Variants in CSAD observed in about 807,000 individuals in gnomAD.
CSAD encodes cysteine sulfinic acid decarboxylase, also known as P-selectin cytoplasmic tail-associated protein.
In CSAD, 47 loss-of-function variants were observed where a neutral mutation model predicts 61.5. The observed-to-expected ratio is 0.76, with a 90% CI of 0.60 to 0.97. The LOEUF is 0.97. Among genes scored for constraint, CSAD ranks in the 50% least tolerant of loss-of-function variants. CSAD has a pLI of 0.00. For synonymous variants in CSAD, 245 were observed against 252.7 expected (o/e 0.97, Z 0.29); for missense variants, 611 against 643.6 (o/e 0.95, Z 0.55).
chr12:53,172,495 C>T lies in CSAD; in HGVS notation c.253+27G>A, dbSNP rs572689520. On this transcript the variant is annotated intron_variant, in intron 5 of 16. Transcript: ENST00000444623. Reference sequence around the variant, plus strand: ...TAGAGCTCAGGGCAAACTCCCAAGTCTCCTCCTCACAGAAGCCAGGGCCCA... The same window carrying T: ...TAGAGCTCAGGGCAAACTCCCAAGTTTCCTCCTCACAGAAGCCAGGGCCCA... The T allele has an allele frequency of 2.5e-6, 4 of 1,614,156 alleles. No homozygotes were observed. In the East Asian group the frequency reaches 6.7e-5, roughly 27 times the overall value.
intron 2 of CSAD, among the ~76,000 whole-genome samples, chr12:53,178,763 T>A (rs1362793608): frequency 6.6e-6 from 1 of 152,058 alleles, no homozygotes; most frequent in East Asian, 1.9e-4. Flanking sequence ...CTAGCCTGGG[T>A]GACAGAGTGA....
In CSAD at chr12:53,172,335, G is replaced by A. The variant is rs1271040252; in HGVS notation, c.344+11C>T. ...CTTTGTGGGATGGTAGAGGGGCCTT[G>A]GGATGCTCACTGGCTGGTGTTGAGG... is the stretch of plus-strand genomic sequence containing the variant. On this transcript the variant is annotated intron_variant, in intron 6 of 16. Coordinates refer to ENST00000444623, the MANE Select transcript of CSAD (RefSeq NM_001244705.2). The A allele has an allele frequency of 1.2e-6, 2 of 1,611,374 alleles. No homozygotes were observed. The highest frequency in any genetic ancestry group is 1.7e-6 in the Non-Finnish European group (2 of 1,177,616).
Position 53,159,811 on chromosome 12 carries a change from A to G in CSAD, c.1218+76T>C, listed in dbSNP as rs576560228. 263 of 1,536,088 alleles carry G rather than the reference A, an allele frequency of 1.7e-4. 4 individuals carry two copies. The South Asian group carries it at 3.0e-3, about 18-fold the overall frequency. ...CTCTCCCTGCCCTTTTCCCTCCACT[A>G]GGGCTTTAGTTGGGGCTTGGGGGCT... On this transcript the variant is annotated intron_variant, in intron 15 of 16. Coordinates refer to ENST00000444623, the MANE Select transcript of CSAD (RefSeq NM_001244705.2).
Position 53,158,567 on chromosome 12 carries a change from A to G in CSAD, c.1426T>C (p.Cys476Arg). ...TTGAGGAGGAAGTCCATATCAGCACAGGTCAGTGCAGAGTTGGCCACAACC... is the reference window on the plus strand; with the variant it reads ...TTGAGGAGGAAGTCCATATCAGCACGGGTCAGTGCAGAGTTGGCCACAACC... ...RVVVANSALT[C>R]ADMDFLLNEL... The change falls in exon 17 of 17, where the codon TGT (cysteine) becomes CGT (arginine). Residue 476 changes from cysteine to arginine, a missense_variant. By Grantham distance (180) the Cys-to-Arg change is radical (BLOSUM62 -3). Coordinates refer to ENST00000444623, the MANE Select transcript of CSAD (RefSeq NM_001244705.2). 1.9e-6 allele frequency: 3 copies of G among 1,613,324 alleles called. No homozygotes were observed. The highest frequency in any genetic ancestry group is 1.7e-6 in the Non-Finnish European group (2 of 1,179,994).
At position 53,160,805 on chromosome 12, in the gene CSAD, T is replaced by C. The variant is rs1446443179; in HGVS notation, c.924A>G (p.Ala308=). 2 of 1,551,798 alleles carry C rather than the reference T, an allele frequency of 1.3e-6. No individual in the cohort carries two copies. Among genetic ancestry groups the C allele is most frequent in the South Asian group, 1.2e-5 (1 of 84,060 alleles). The change falls in exon 13 of 17, where the codon GCA becomes GCG. Residue 308 remains alanine (A), a synonymous_variant. Coordinates refer to ENST00000444623, the MANE Select transcript of CSAD (RefSeq NM_001244705.2). Reference sequence around the variant, plus strand: ...GAAGTGCAGAGCATTGCAGGCCTGCTGCGAGGAGCTTGTGGGGATTCCAGG... The same window carrying C: ...GAAGTGCAGAGCATTGCAGGCCTGCCGCGAGGAGCTTGTGGGGATTCCAGG... The part of the protein sequence containing the change: ...SVAWNPHKLL[A]AGLQCSALLL...
chr12:53,161,338 C>T lies in CSAD; in HGVS notation c.754G>A (p.Ala252Thr). Residue 252 changes from alanine to threonine, a missense_variant, in exon 11 of 17, where the codon GCC becomes ACC. Transcript: ENST00000444623. ...SATSGTTVLGAFDPLEAIADV... is the reference protein window; with the variant it reads ...SATSGTTVLGTFDPLEAIADV... Reference sequence around the variant, plus strand: ...GCAATTGCCTCCAGGGGGTCAAAGGCCCCTAGCACAGTGGTGCCAGAGGTG... The same window carrying T: ...GCAATTGCCTCCAGGGGGTCAAAGGTCCCTAGCACAGTGGTGCCAGAGGTG... The T allele has an allele frequency of 6.2e-6, 10 of 1,614,050 alleles. No individual in the cohort carries two copies. The highest frequency in any genetic ancestry group is 8.5e-6 in the Non-Finnish European group (10 of 1,180,004).
intron 11 of CSAD, 29 bp from the exon 12 acceptor site, chr12:53,161,220 T>C: frequency 1.2e-6 from 2 of 1,613,934 alleles, no homozygotes; most frequent in South Asian, 1.1e-5. Flanking sequence ...AACGTGGGCC[T>C]TGGCCTTGGC....
intron 2 of CSAD, among the ~76,000 whole-genome samples, chr12:53,176,274 G>C (rs1592361749): frequency 6.6e-6 from 1 of 152,078 alleles, no homozygotes; most frequent in Non-Finnish European, 1.5e-5. Context: ...GCCGGGTGTG[G>C]TGGTGCATGC....
At position 53,170,077 on chromosome 12, in the gene CSAD, C is replaced by G; in HGVS notation, c.697G>C (p.Ala233Pro). 6.2e-7 allele frequency: 1 copy of G among 1,614,070 alleles called. No individual in the cohort carries two copies. ...DLERQIGMAE[A>P]EGAVPFLVSA... ...AGCGAGCCTCACTGACTCACCTCAG[C>G]CTCGGCCATACCAATCTGCCTCTCC... The change falls in exon 10 of 17, where the codon GCT becomes CCT. Residue 233 changes from alanine to proline, a missense_variant. Ala to Pro is a conservative substitution (Grantham distance 27, BLOSUM62 -1). Coordinates refer to ENST00000444623, the MANE Select transcript of CSAD (RefSeq NM_001244705.2).
At chr12:53,172,024 G>C in intron 6 of CSAD, 36 bp from the exon 7 acceptor site, 1 of 1,491,608 alleles carries the variant, frequency 6.7e-7, no homozygotes, top group Middle Eastern at 1.7e-4. Context: ...AGGAGAGATG[G>C]GGAGGGACTG....
chr12:53,166,749 C>A (rs1029585655), intron 10 of CSAD, among the ~76,000 whole-genome samples: 1 of 152,060 alleles, frequency 6.6e-6, no homozygotes, highest in African/African-American at 2.4e-5. Flanking sequence ...TGAGCTGAGA[C>A]TGTGCCACTG....
intron 7 of CSAD, 157 bp downstream of exon 7, chr12:53,171,725 A>G (rs183188874): frequency 1.6e-6 from 1 of 629,044 alleles, no homozygotes; most frequent in East Asian, 2.7e-5. Context: ...ATGAGCATGA[A>G]GGGACCAGGC....
Position 53,159,569 on chromosome 12 carries a change from G to C in CSAD, c.1308+54C>G, listed in dbSNP as rs1939000465. 6 of 1,455,494 alleles carry C rather than the reference G, an allele frequency of 4.1e-6. No individual in the cohort carries two copies. The African/African-American group carries it at 7.0e-5, about 17-fold the overall frequency. The allele number at this position is 1,455,494 out of a possible 1,614,324, so 90.2% of individuals were successfully genotyped here. On this transcript the variant is annotated intron_variant, in intron 16 of 16. Transcript: ENST00000444623. ...CTCCCAGCCAACAGGGGGCAGAAGC[G>C]CATCAGTTGCATCAGCTCCCTAACG...
rs780678209 is a variant in CSAD, at chr12:53,170,100, T to G, written c.674A>C (p.Glu225Ala). 2 of 1,614,038 alleles carry G rather than the reference T, an allele frequency of 1.2e-6. No individual in the cohort carries two copies. The highest frequency in any genetic ancestry group is 3.3e-5 in the Admixed American group (2 of 60,010). ...AGCCTCGGCCATACCAATCTGCCTC[T>G]CCAGATCCTCGGGGACCATTTTCCC... The part of the protein sequence containing the change: ...ERGKMVPEDL[E>A]RQIGMAEAEG... The change falls in exon 10 of 17, where the codon GAG (glutamate) becomes GCG (alanine). Residue 225 changes from glutamate to alanine, a missense_variant. By Grantham distance (107) the Glu-to-Ala change is moderately radical (BLOSUM62 -1). Coordinates refer to ENST00000444623, the MANE Select transcript of CSAD (RefSeq NM_001244705.2).
chr12:53,159,692 A>G lies in CSAD; in HGVS notation c.1239T>C (p.Cys413=). 2 of 1,610,462 alleles carry G rather than the reference A, an allele frequency of 1.2e-6. No individual in the cohort carries two copies. The highest frequency in any genetic ancestry group is 1.7e-6 in the Non-Finnish European group (2 of 1,178,330). Residue 413 remains cysteine, a synonymous_variant, in exon 16 of 17, where the codon TGT becomes TGC. Coordinates refer to ENST00000444623, the MANE Select transcript of CSAD (RefSeq NM_001244705.2). Reference sequence around the variant, plus strand: ...GCAGGCTGGGGGGTACGAACCAGAAACACACATTGACAAACTCAGGCTGAG... The same window carrying G: ...GCAGGCTGGGGGGTACGAACCAGAAGCACACATTGACAAACTCAGGCTGAG... ...LVMEPEFVNV[C]FWFVPPSLRG...
intron 2 of CSAD, among the ~76,000 whole-genome samples, chr12:53,175,550 C>T (rs991630749): frequency 2.6e-5 from 4 of 152,214 alleles, no homozygotes; most frequent in African/African-American, 9.6e-5. Context: ...ACTGTACTCT[C>T]CTGGGTGGAG....
At chr12:53,170,295 C>T (rs775875607) in intron 9 of CSAD, 128 bp downstream of exon 9, 3 of 993,816 alleles carry the variant, frequency 3.0e-6, no homozygotes, top group South Asian at 1.4e-5. Context: ...ACAGGAACAG[C>T]AATTCTACTG....
chr12:53,174,313 AAAAAAAAAG>A (rs1042135119), intron 2 of CSAD, among the ~76,000 whole-genome samples: 5 of 151,504 alleles, frequency 3.3e-5, no homozygotes, highest in African/African-American at 1.2e-4. Flanking sequence ...ATCTCAAAAA[AAAAAAAAAG>A]AAAAAAAGAA....
chr12:53,180,668 A>G, intron 1 of CSAD, 64 bp downstream of exon 1: 1 of 1,279,458 alleles, frequency 7.8e-7, no homozygotes, highest in Non-Finnish European at 1.0e-6. Context: ...CTCGGCGGAG[A>G]GGACGAGGGG....
Sources: gnomAD v4.1 joint callset for allele counts (sites outside exome capture counted in the v4.1 genomes callset) on GRCh38, gnomAD v4.1.1 for gene constraint, MANE v1.5 for transcripts, NCBI Gene and HGNC (gene_info 2026-07-23, HGNC 2026-07-21) for gene names.